Variants in PAQR8 observed in about 807,000 individuals in gnomAD.
PAQR8 encodes the protein progestin and adipoQ receptor family member 8, also known as membrane progestin receptor beta.
In PAQR8, 17 loss-of-function variants were observed where a neutral mutation model predicts 25.2. The observed-to-expected ratio is 0.67, with a 90% confidence interval of 0.46 to 1.01. The LOEUF is 1.01. PAQR8 is among the 50% of genes least tolerant of loss of function. The pLI is 0.00. For synonymous variants in PAQR8, 204 were observed against 190.6 expected, an observed-to-expected ratio of 1.07 and a Z score of -0.58; for missense variants, 392 against 448.4, an observed-to-expected ratio of 0.87 and a Z score of 1.14.
At chr6:52,385,239 A>G (rs1763617858) in intron 1 of PAQR8, among the ~76,000 whole-genome samples, 1 of 152,174 alleles carries the variant, frequency 6.6e-6, no homozygotes, top group Non-Finnish European at 1.5e-5. Flanking sequence ...GAGAGGGGGA[A>G]ACCCCTCTCA....
chr6:52,397,808 C>T lies in PAQR8; in HGVS notation c.-52-5354C>T, dbSNP rs955169458. 9.2e-5 allele frequency among the ~76,000 whole-genome samples: 14 copies of T among 152,288 alleles called. No homozygotes were observed. In the East Asian group the frequency reaches 2.3e-3, roughly 25 times the overall value. Reference sequence around the variant, plus strand: ...CAGGTTAGGTAGGAGGGTGTGGGAACAGAGGCCAGAAGTGAGGGAGGGGCT... The same window carrying T: ...CAGGTTAGGTAGGAGGGTGTGGGAATAGAGGCCAGAAGTGAGGGAGGGGCT... On this transcript the variant is annotated intron_variant, in intron 1 of 1. Transcript: ENST00000442253.
chr6:52,375,643 C>T (rs920520790), intron 1 of PAQR8, among the ~76,000 whole-genome samples: 1 of 151,924 alleles, frequency 6.6e-6, no homozygotes, highest in Middle Eastern at 3.2e-3. Flanking sequence ...CTCCCAAGTA[C>T]TTGGGACTAC....
At chr6:52,398,313 T>C (rs9370116) in intron 1 of PAQR8, among the ~76,000 whole-genome samples, 7,001 of 151,522 alleles carry the variant, frequency 0.046, 213 homozygotes, top group South Asian at 0.089. Context: ...TTCAAGTGAT[T>C]CTCCTGCCTC....
At chr6:52,398,053 C>T (rs146238468) in intron 1 of PAQR8, among the ~76,000 whole-genome samples, 1 of 152,078 alleles carries the variant, frequency 6.6e-6, no homozygotes, top group East Asian at 1.9e-4. Flanking sequence ...AATTATAACT[C>T]ATGGTACCAT....
chr6:52,373,839 TA>T (rs757926000), intron 1 of PAQR8, among the ~76,000 whole-genome samples: 15 of 152,032 alleles, frequency 9.9e-5, no homozygotes, highest in Non-Finnish European at 2.9e-5. Flanking sequence ...TTGATCAAGA[TA>T]GCTTTGCTAG....
chr6:52,376,835 C>T, intron 1 of PAQR8, among the ~76,000 whole-genome samples: 1 of 152,178 alleles, frequency 6.6e-6, no homozygotes, highest in East Asian at 1.9e-4. Flanking sequence ...ATTGAATTCT[C>T]TGGAGGGATG....
chr6:52,391,136 G>A (rs11967792), intron 1 of PAQR8, among the ~76,000 whole-genome samples: 55,156 of 151,990 alleles, frequency 0.36, 10,624 homozygotes, highest in East Asian at 0.51. Context: ...AGGGCTGGGC[G>A]GAACACATAC....
chr6:52,396,518 G>A (rs915109760), intron 1 of PAQR8, among the ~76,000 whole-genome samples: 37 of 152,190 alleles, frequency 2.4e-4, no homozygotes, highest in African/African-American at 8.7e-4. Flanking sequence ...GTGAGCTGTT[G>A]AAGAATTTTG....
At chr6:52,367,868 T>C (rs1269525657) in intron 1 of PAQR8, among the ~76,000 whole-genome samples, 1 of 152,194 alleles carries the variant, frequency 6.6e-6, no homozygotes, top group Non-Finnish European at 1.5e-5. Flanking sequence ...GACCCTTGTC[T>C]AGACATGACC....
intron 1 of PAQR8, among the ~76,000 whole-genome samples, chr6:52,377,574 T>A (rs375014343): frequency 6.6e-6 from 1 of 152,176 alleles, no homozygotes; most frequent in African/African-American, 2.4e-5. Flanking sequence ...GAAAAAAATA[T>A]CAAAACACAG....
At chr6:52,377,665 T>G (rs1763500854) in intron 1 of PAQR8, among the ~76,000 whole-genome samples, 1 of 151,574 alleles carries the variant, frequency 6.6e-6, no homozygotes, top group Non-Finnish European at 1.5e-5. Context: ...AAGAAGCAAC[T>G]TCCCAAAAGC....
intron 1 of PAQR8, among the ~76,000 whole-genome samples, chr6:52,383,935 C>G (rs553496334): frequency 1.3e-5 from 2 of 152,064 alleles, no homozygotes; most frequent in East Asian, 3.9e-4. Flanking sequence ...GAACTGAGGC[C>G]AGAGATTGGA....
intron 1 of PAQR8, among the ~76,000 whole-genome samples, chr6:52,382,347 G>A (rs879560036): frequency 3.3e-5 from 5 of 152,212 alleles, no homozygotes; most frequent in Non-Finnish European, 5.9e-5. Context: ...AGTCTATAAA[G>A]GAATCCCCTT....
At chr6:52,376,125 C>G (rs1336867404) in intron 1 of PAQR8, among the ~76,000 whole-genome samples, 1 of 152,228 alleles carries the variant, frequency 6.6e-6, no homozygotes, top group African/African-American at 2.4e-5. Context: ...TAGTAGTTCT[C>G]TTTTGAAGAA....
chr6:52,363,203 G>T (rs762697238), intron 1 of PAQR8, among the ~76,000 whole-genome samples: 1 of 152,132 alleles, frequency 6.6e-6, no homozygotes, highest in Non-Finnish European at 1.5e-5. Context: ...TTGCCGACCC[G>T]GTGCGGGGAC....
At chr6:52,394,587 GC>G (rs1562432998) in intron 1 of PAQR8, among the ~76,000 whole-genome samples, 1 of 152,188 alleles carries the variant, frequency 6.6e-6, no homozygotes, top group Non-Finnish European at 1.5e-5. Flanking sequence ...CTCCCAGTCA[GC>G]CATGTGATCT....
chr6:52,403,676 C>A lies in PAQR8; in HGVS notation c.463C>A (p.Gln155Lys). The A allele has an allele frequency of 6.2e-7, 1 of 1,614,220 alleles. No homozygotes were observed. Among genetic ancestry groups the A allele is most frequent in the Non-Finnish European group, 8.5e-7 (1 of 1,180,042 alleles). The change falls in exon 2 of 2, where the codon CAA becomes AAA. Residue 155 changes from glutamine to lysine, a missense_variant. Gln to Lys is a moderately conservative substitution (Grantham distance 53). Transcript: ENST00000442253. Reference protein sequence around the residue: ...FVDYVGVSVYQYGSALAHFFY... With the variant: ...FVDYVGVSVYKYGSALAHFFY... The stretch of plus-strand genomic sequence containing the variant: ...GGACTATGTTGGCGTGAGCGTTTAC[C>A]AATATGGCAGTGCTTTGGCTCATTT...
chr6:52,404,248 C>A lies in PAQR8; in HGVS notation c.1035C>A (p.Val345=). ...CCGCAGCCCTTCTGAGGCACAAAGTCAAGGCCAGACTGACCAAGAAAGATT... is the reference window on the plus strand; with the variant it reads ...CCGCAGCCCTTCTGAGGCACAAAGTAAAGGCCAGACTGACCAAGAAAGATT... ...AATAALLRHK[V]KARLTKKDS The change falls in exon 2 of 2, where the codon GTC becomes GTA. Residue 345 remains valine, a synonymous_variant. Coordinates refer to ENST00000442253, the MANE Select transcript of PAQR8 (RefSeq NM_133367.5). 1.2e-6 allele frequency: 2 copies of A among 1,603,876 alleles called. No homozygotes were observed. The highest frequency in any genetic ancestry group is 2.2e-5 in the South Asian group (2 of 90,670).
chr6:52,379,520 C>T (rs939603366), intron 1 of PAQR8, among the ~76,000 whole-genome samples: 3 of 152,022 alleles, frequency 2.0e-5, no homozygotes, highest in African/African-American at 7.3e-5. Context: ...GTCGCGATCT[C>T]GACTCACTGC....
Sources: allele counts gnomAD v4.1 joint callset (sites outside exome capture counted in the v4.1 genomes callset), GRCh38; gene constraint gnomAD v4.1.1; transcripts MANE v1.5; gene names NCBI Gene and HGNC (gene_info 2026-07-23, HGNC 2026-07-21).